The following TAS2R1 variants were observed in gnomAD, a reference collection of about 807,000 sequenced individuals.
TAS2R1 encodes the protein taste 2 receptor member 1, also known as taste receptor type 2 member 1.
For missense variants in TAS2R1, 370 were observed against 353.4 expected, an observed-to-expected ratio of 1.05 and a Z score of -0.38; for synonymous variants, 141 against 134.2, an observed-to-expected ratio of 1.05 and a Z score of -0.35.
At chr5:9,718,125 A>ATTTTTTTTT in the TAS2R1 span, among the ~76,000 whole-genome samples, 2 of 138,804 alleles carry the variant, frequency 1.4e-5, no homozygotes, top group South Asian at 2.3e-4. Flanking sequence ...ATGCCCAGCA[A>ATTTTTTTTT]TTTTTTTTTT....
At chr5:9,748,319 A>C in the TAS2R1 span, among the ~76,000 whole-genome samples, 1 of 152,278 alleles carries the variant, frequency 6.6e-6, no homozygotes, top group African/African-American at 2.4e-5. Context: ...TGCAGGTCTA[A>C]ATTTATAAGA....
the TAS2R1 span, among the ~76,000 whole-genome samples, chr5:9,840,857 A>ATTTTTTTT: frequency 3.8e-5 from 5 of 132,096 alleles, no homozygotes; most frequent in African/African-American, 1.4e-4. Context: ...TTATTTATTT[A>ATTTTTTTT]TTTTTTTTTT....
the TAS2R1 span, among the ~76,000 whole-genome samples, chr5:9,872,854 T>C: frequency 6.6e-6 from 1 of 152,252 alleles, no homozygotes; most frequent in Non-Finnish European, 1.5e-5. Flanking sequence ...ACAGTGCATG[T>C]AATCCTAAAA....
intron 1 of TAS2R1, among the ~76,000 whole-genome samples, chr5:9,686,429 C>G (rs1226254344): frequency 6.6e-6 from 1 of 152,172 alleles, no homozygotes; most frequent in African/African-American, 2.4e-5. Flanking sequence ...ATGGGAAATC[C>G]AGCCCATGGC....
At position 9,628,661 on chromosome 5, in the gene TAS2R1, G is replaced by T. The variant is rs1210363602; in HGVS notation, c.*472C>A. Among the ~76,000 whole-genome samples the T allele has an allele frequency of 6.6e-6, 1 of 152,206 alleles. No homozygotes were observed. Among genetic ancestry groups the T allele is most frequent in the Non-Finnish European group, 1.5e-5 (1 of 68,040 alleles). Reference sequence around the variant, plus strand: ...CAGGTAGACAAGAAATGAACAGTCAGCCCGTTAAGGTCAGGAAAAACCATC... The same window carrying T: ...CAGGTAGACAAGAAATGAACAGTCATCCCGTTAAGGTCAGGAAAAACCATC... On this transcript the variant is annotated 3_prime_UTR_variant, in exon 1 of 1. Coordinates refer to ENST00000382492, the MANE Select transcript of TAS2R1 (RefSeq NM_019599.3).
chr5:9,891,341 A>AT, the TAS2R1 span, among the ~76,000 whole-genome samples: 1 of 152,176 alleles, frequency 6.6e-6, no homozygotes, highest in Admixed American at 6.5e-5. Context: ...GGAAAAAAAA[A>AT]TTTTCATAAA....
intron 1 of TAS2R1, among the ~76,000 whole-genome samples, chr5:9,686,875 G>C (rs1157155562): frequency 6.6e-6 from 1 of 152,148 alleles, no homozygotes; most frequent in East Asian, 1.9e-4. Context: ...TTATCATACA[G>C]AAAATGACTA....
intron 2 of TAS2R1, among the ~76,000 whole-genome samples, chr5:9,650,937 A>G (rs17331877): frequency 0.12 from 18,381 of 152,270 alleles, 1,326 homozygotes; most frequent in South Asian, 0.18. Flanking sequence ...TAAATGTTTA[A>G]AATAAAAATA....
chr5:9,659,579 C>T (rs959015242), exon 2 of TAS2R1: 1 of 151,306 alleles, frequency 6.6e-6, no homozygotes, highest in Non-Finnish European at 1.5e-5. Flanking sequence ...CCAGTCAGGT[C>T]TACTGCAGTA....
intron 1 of TAS2R1, among the ~76,000 whole-genome samples, chr5:9,686,617 G>C (rs750465920): frequency 6.6e-6 from 1 of 152,094 alleles, no homozygotes; most frequent in Non-Finnish European, 1.5e-5. Flanking sequence ...AGGGAGGAGA[G>C]GAAGTGGGCA....
rs1739812547 is a variant in TAS2R1 at position 9,629,018 on chromosome 5, TG to T, written c.*114del. 1 of 1,140,676 alleles carries T rather than the reference TG, an allele frequency of 8.8e-7. No individual in the cohort carries two copies. Among genetic ancestry groups the T allele is most frequent in the Non-Finnish European group, 1.2e-6 (1 of 829,500 alleles). The allele number at this position is 1,140,676 out of a possible 1,614,324, so 70.7% of individuals were successfully genotyped here. A position where few individuals can be genotyped will look rare whatever the true frequency, so the allele number is the denominator to read the frequency against. ...ATACCTCAGGCTGGATAAACAGGCCTGAAGGGGACATGTTGTATATTTATGA... is the reference window on the plus strand; with the variant it reads ...ATACCTCAGGCTGGATAAACAGGCCTAAGGGGACATGTTGTATATTTATGA... On this transcript the variant is annotated 3_prime_UTR_variant, in exon 1 of 1. Coordinates refer to ENST00000382492, the MANE Select transcript of TAS2R1 (RefSeq NM_019599.3).
the TAS2R1 span, among the ~76,000 whole-genome samples, chr5:9,893,968 C>T: frequency 7.2e-5 from 11 of 152,246 alleles, no homozygotes; most frequent in East Asian, 5.8e-4. Flanking sequence ...GTTGACCCTA[C>T]GAAAGTTCAT....
chr5:9,865,152 C>A, the TAS2R1 span, among the ~76,000 whole-genome samples: 1 of 152,106 alleles, frequency 6.6e-6, no homozygotes, highest in East Asian at 1.9e-4. Flanking sequence ...GGAGGGGGAG[C>A]AAGGAAGCCA....
intron 1 of TAS2R1, chr5:9,660,052 A>ATTTTTTTTTTTT (rs1579771915): frequency 4.3e-5 from 6 of 140,468 alleles, no homozygotes; most frequent in African/African-American, 1.4e-4. Flanking sequence ...ATCCTGAAAT[A>ATTTTTTTTTTTT]TTTCTTTTTT....
At chr5:9,714,919 T>C (rs968842186), upstream of TAS2R1, among the ~76,000 whole-genome samples, 11 of 152,264 alleles carry the variant, frequency 7.2e-5, no homozygotes, top group African/African-American at 2.2e-4. Context: ...AGTATCTATA[T>C]ACACACCTAC....
chr5:9,749,562 G>A, the TAS2R1 span, among the ~76,000 whole-genome samples: 412 of 152,300 alleles, frequency 2.7e-3, 1 homozygote, highest in Admixed American at 5.4e-3. Context: ...GCTGAGCCAG[G>A]AACAAAATCC....
chr5:9,681,059 CTCAA>C (rs1282477427), intron 1 of TAS2R1, among the ~76,000 whole-genome samples: 3 of 151,888 alleles, frequency 2.0e-5, no homozygotes, highest in Non-Finnish European at 2.9e-5. Context: ...GAGACTCCAT[CTCAA>C]TCAATCAATC....
chr5:9,767,695 C>T, the TAS2R1 span, among the ~76,000 whole-genome samples: 67 of 152,064 alleles, frequency 4.4e-4, no homozygotes, highest in African/African-American at 1.5e-3. Context: ...GTTGGGAGGC[C>T]GAGGGTGGTG....
the TAS2R1 span, among the ~76,000 whole-genome samples, chr5:9,877,836 CTTT>C: frequency 6.6e-6 from 1 of 152,124 alleles, no homozygotes; most frequent in East Asian, 1.9e-4. Flanking sequence ...TCTTCCTCTT[CTTT>C]TTTTTGAAGG....
Sources: allele counts gnomAD v4.1 joint callset (sites outside exome capture counted in the v4.1 genomes callset), GRCh38; gene constraint gnomAD v4.1.1; transcripts MANE v1.5; gene names NCBI Gene and HGNC (gene_info 2026-07-23, HGNC 2026-07-21).